Variants in FSTL4 observed in about 807,000 individuals in gnomAD.
FSTL4 encodes the protein follistatin like 4.
Under a neutral mutation model 78.2 loss-of-function variants are expected in FSTL4, and 28 were observed. That is an observed-to-expected ratio of 0.36 (90% CI 0.27 to 0.49). The LOEUF is 0.49. FSTL4 is among the 20% of genes least tolerant of loss of function. The probability of loss-of-function intolerance (pLI) is 0.98; values close to 1 mark genes in which losing one functional copy is unlikely to be tolerated. For synonymous variants in FSTL4, 422 were observed against 440.5 expected, an observed-to-expected ratio of 0.96 and a Z score of 0.53; for missense variants, 922 against 1,084.9, an observed-to-expected ratio of 0.85 and a Z score of 2.11.
At chr5:133,772,954 C>T in the FSTL4 span, among the ~76,000 whole-genome samples, 1 of 151,892 alleles carries the variant, frequency 6.6e-6, no homozygotes, top group Non-Finnish European at 1.5e-5. Flanking sequence ...TTGACTAATG[C>T]CTGTAAAGCA....
intron 7 of FSTL4, among the ~76,000 whole-genome samples, chr5:133,238,641 G>A (rs1581557607): frequency 6.6e-6 from 1 of 152,218 alleles, no homozygotes; most frequent in African/African-American, 2.4e-5. Context: ...ATGCGAGTGT[G>A]CACACATGGG....
chr5:133,591,174 T>C (rs1231729082), intron 2 of FSTL4, among the ~76,000 whole-genome samples: 1 of 152,124 alleles, frequency 6.6e-6, no homozygotes, highest in Non-Finnish European at 1.5e-5. Flanking sequence ...TTACAGCCTG[T>C]CTGCAGGGAC....
chr5:133,508,817 T>C (rs1758666075), intron 3 of FSTL4, among the ~76,000 whole-genome samples: 1 of 152,242 alleles, frequency 6.6e-6, no homozygotes, highest in Non-Finnish European at 1.5e-5. Flanking sequence ...GGATGTATTT[T>C]GCCCAGATCC....
the FSTL4 span, among the ~76,000 whole-genome samples, chr5:133,806,507 C>T: frequency 6.6e-6 from 1 of 152,138 alleles, no homozygotes. Context: ...ATATTTTGTC[C>T]TGATTATTTG....
chr5:133,723,445 G>C, the FSTL4 span, among the ~76,000 whole-genome samples: 1 of 152,186 alleles, frequency 6.6e-6, no homozygotes, highest in Non-Finnish European at 1.5e-5. Flanking sequence ...TCTGGGCCCT[G>C]GGGTAGTGGG....
At chr5:133,701,670 C>G in the FSTL4 span, among the ~76,000 whole-genome samples, 13 of 152,134 alleles carry the variant, frequency 8.5e-5, no homozygotes, top group Non-Finnish European at 1.6e-4. Context: ...TTTGATATTT[C>G]ATTTTCAGAT....
At chr5:133,272,045 A>G (rs1752779347) in intron 6 of FSTL4, among the ~76,000 whole-genome samples, 1 of 152,144 alleles carries the variant, frequency 6.6e-6, no homozygotes, top group Non-Finnish European at 1.5e-5. Context: ...CCTAAGAGCG[A>G]CTCATGGTAC....
At chr5:133,260,136 A>G (rs1752483775) in intron 6 of FSTL4, among the ~76,000 whole-genome samples, 2 of 152,178 alleles carry the variant, frequency 1.3e-5, no homozygotes, top group Non-Finnish European at 2.9e-5. Context: ...CGTCGTCCCA[A>G]GTTTCCTGGG....
chr5:133,325,406 T>C (rs1754185041), intron 4 of FSTL4, among the ~76,000 whole-genome samples: 1 of 152,174 alleles, frequency 6.6e-6, no homozygotes, highest in African/African-American at 2.4e-5. Flanking sequence ...TCCGGGGTGC[T>C]GGAATCTCCC....
At chr5:133,475,009 G>A (rs533054772) in intron 3 of FSTL4, among the ~76,000 whole-genome samples, 2 of 152,216 alleles carry the variant, frequency 1.3e-5, no homozygotes, top group African/African-American at 4.8e-5. Flanking sequence ...TCAGCAGAGA[G>A]AGAATAAAAA....
intron 8 of FSTL4, among the ~76,000 whole-genome samples, chr5:133,229,865 T>TC (rs1052393602): frequency 6.8e-6 from 1 of 146,044 alleles, no homozygotes; most frequent in African/African-American, 2.6e-5. Context: ...GGCCCTACCC[T>TC]CATGGAGCTT....
chr5:133,439,844 C>G (rs1757113666), intron 3 of FSTL4, among the ~76,000 whole-genome samples: 1 of 152,136 alleles, frequency 6.6e-6, no homozygotes, highest in African/African-American at 2.4e-5. Context: ...TAGCCCACCC[C>G]CACCCTCTTC....
chr5:133,422,580 T>C (rs573071300), intron 3 of FSTL4, among the ~76,000 whole-genome samples: 1 of 152,020 alleles, frequency 6.6e-6, no homozygotes, highest in Non-Finnish European at 1.5e-5. Context: ...ATCAAAGAAT[T>C]TGTTCTAACT....
At chr5:133,482,690 G>A (rs998918110) in intron 3 of FSTL4, among the ~76,000 whole-genome samples, 2 of 152,218 alleles carry the variant, frequency 1.3e-5, no homozygotes, top group African/African-American at 4.8e-5. Flanking sequence ...ATGGCTTGCA[G>A]GGTGTGCAGG....
chr5:133,564,745 A>C (rs139963666), intron 3 of FSTL4, among the ~76,000 whole-genome samples: 3 of 152,322 alleles, frequency 2.0e-5, no homozygotes. Flanking sequence ...CAAGAAAGCT[A>C]GACAGCATGA....
At chr5:133,206,265 ATAAG>A (rs1448468238) in intron 14 of FSTL4, among the ~76,000 whole-genome samples, 1 of 152,112 alleles carries the variant, frequency 6.6e-6, no homozygotes, top group East Asian at 1.9e-4. Flanking sequence ...TTCTCTTTTC[ATAAG>A]TCAGTCAGTT....
rs528317725 is a variant in FSTL4 at position 133,236,131 on chromosome 5, T to A, written c.895-2594A>T. ...ACCTGCTGGCATTTTCCCTCCAAAC[T>A]GCCTTCCTGAGCCTTCACATCCACA... On this transcript the variant is annotated intron_variant, in intron 7 of 15. Coordinates refer to ENST00000265342, the MANE Select transcript of FSTL4 (RefSeq NM_015082.2). This position sits in a 1 kb window ranked among gnomAD's most constrained non-coding sequence, Gnocchi z 5.0. Among the ~76,000 whole-genome samples the A allele has an allele frequency of 1.3e-5, 2 of 151,944 alleles. No homozygotes were observed. Among genetic ancestry groups the A allele is most frequent in the East Asian group, 3.9e-4 (2 of 5,152 alleles).
intron 3 of FSTL4, among the ~76,000 whole-genome samples, chr5:133,443,867 T>G (rs191312788): frequency 6.6e-6 from 1 of 152,326 alleles, no homozygotes; most frequent in African/African-American, 2.4e-5. Context: ...ACCTACGCAA[T>G]TCTCAGTTCA....
At chr5:133,704,136 G>A in the FSTL4 span, among the ~76,000 whole-genome samples, 1 of 152,140 alleles carries the variant, frequency 6.6e-6, no homozygotes, top group South Asian at 2.1e-4. Context: ...GATCTTGACT[G>A]GTAGCAGAGG....
Sources: gnomAD v4.1 joint callset for allele counts (sites outside exome capture counted in the v4.1 genomes callset) on GRCh38, gnomAD v4.1.1 for gene constraint, Gnocchi (gnomAD v3.1) non-coding constraint, MANE v1.5 for transcripts, NCBI Gene and HGNC (gene_info 2026-07-23, HGNC 2026-07-21) for gene names.